Variants in CFAP299 observed in about 807,000 individuals in gnomAD.
CFAP299 encodes cilia and flagella associated protein 299.
In CFAP299, 21 loss-of-function variants were observed where a neutral mutation model predicts 27.0. That is an observed-to-expected ratio of 0.78 (90% CI 0.55 to 1.12). The LOEUF (loss-of-function observed/expected upper bound fraction) is 1.12. Among genes scored for constraint, CFAP299 ranks in the 50% most tolerant of loss-of-function variants. The probability of loss-of-function intolerance (pLI) is 0.00; values close to 1 mark genes in which losing one functional copy is unlikely to be tolerated. For missense variants in CFAP299, 310 were observed against 276.6 expected, an observed-to-expected ratio of 1.12 and a Z score of -0.86; for synonymous variants, 104 against 98.1, an observed-to-expected ratio of 1.06 and a Z score of -0.36.
intron 3 of CFAP299, among the ~76,000 whole-genome samples, chr4:80,693,213 C>G (rs1354625067): frequency 6.6e-6 from 1 of 152,060 alleles, no homozygotes; most frequent in Non-Finnish European, 1.5e-5. Flanking sequence ...ACCCAAAGGA[C>G]TATAAATCAT....
intron 3 of CFAP299, among the ~76,000 whole-genome samples, chr4:80,715,463 C>A (rs1722424012): frequency 6.6e-6 from 1 of 151,928 alleles, no homozygotes; most frequent in African/African-American, 2.4e-5. Context: ...TTTGTGATGG[C>A]AGACATTTTT....
chr4:80,795,008 G>A (rs1373625387), intron 3 of CFAP299, among the ~76,000 whole-genome samples: 2 of 152,062 alleles, frequency 1.3e-5, no homozygotes, highest in Admixed American at 1.3e-4. Context: ...CTGCCACCAT[G>A]GCCACTTTGT....
intron 4 of CFAP299, among the ~76,000 whole-genome samples, chr4:80,894,296 C>G (rs968700889): frequency 6.6e-6 from 1 of 151,906 alleles, no homozygotes; most frequent in Non-Finnish European, 1.5e-5. Context: ...TTTGTTCCCC[C>G]CAGAGATGTT....
At chr4:80,384,575 T>A (rs760465635) in intron 2 of CFAP299, among the ~76,000 whole-genome samples, 4 of 152,178 alleles carry the variant, frequency 2.6e-5, no homozygotes, top group Non-Finnish European at 5.9e-5. Context: ...TGCTGTAGTA[T>A]CTATTTCAGG....
intron 4 of CFAP299, among the ~76,000 whole-genome samples, chr4:80,902,040 C>T (rs1180792486): frequency 6.6e-6 from 1 of 151,980 alleles, no homozygotes; most frequent in African/African-American, 2.4e-5. Flanking sequence ...GTTCAGCCTT[C>T]AAGAGTGGCA....
chr4:80,388,447 G>T, intron 2 of CFAP299: 2 of 915,566 alleles, frequency 2.2e-6, no homozygotes, highest in Non-Finnish European at 1.8e-6. Context: ...AGATGCTGTT[G>T]GTGACCAGCG....
Position 80,457,403 on chromosome 4 carries a change from T to C in CFAP299, c.242+94519T>C, listed in dbSNP as rs539533251. 5.0e-4 allele frequency among the ~76,000 whole-genome samples: 76 copies of C among 152,296 alleles called. 1 individual carries two copies. The highest frequency in any genetic ancestry group is 1.8e-3 in the African/African-American group (73 of 41,572). Reference sequence around the variant, plus strand: ...TGTTATGTTATGGAGGGTGAGGCCATGTGCCACAGATTCTGTGCTTTGGAT... The same window carrying C: ...TGTTATGTTATGGAGGGTGAGGCCACGTGCCACAGATTCTGTGCTTTGGAT... On this transcript the variant is annotated intron_variant, in intron 2 of 5. Coordinates refer to ENST00000358105, the MANE Select transcript of CFAP299 (RefSeq NM_152770.3).
chr4:80,355,199 T>A (rs1299045367), intron 1 of CFAP299, among the ~76,000 whole-genome samples: 2 of 152,130 alleles, frequency 1.3e-5, no homozygotes, highest in Non-Finnish European at 2.9e-5. Flanking sequence ...ATTTTTTGAC[T>A]TTTTAGTAGT....
intron 2 of CFAP299, among the ~76,000 whole-genome samples, chr4:80,429,690 A>G (rs1306409716): frequency 6.6e-6 from 1 of 152,172 alleles, no homozygotes; most frequent in Non-Finnish European, 1.5e-5. Context: ...AGTCAATCAT[A>G]ATAACTATGT....
In CFAP299 at chr4:80,718,077, G is replaced by C. The variant is rs143747224; in HGVS notation, c.333+134894G>C. On this transcript the variant is annotated intron_variant, in intron 3 of 5. Transcript: ENST00000358105. ...TTATAGCTCAGAGAAAGGTAGCAAA[G>C]AACAGGGAAAGATGAAGATGGTACA... 6.6e-5 allele frequency among the ~76,000 whole-genome samples: 10 copies of C among 152,204 alleles called. No homozygotes were observed. In the East Asian group the frequency reaches 1.9e-3, roughly 29 times the overall value.
At chr4:80,618,041 G>A (rs1738385801) in intron 3 of CFAP299, among the ~76,000 whole-genome samples, 1 of 152,102 alleles carries the variant, frequency 6.6e-6, no homozygotes, top group South Asian at 2.1e-4. Context: ...AGAAAAATTT[G>A]TGATGTATGG....
At chr4:80,754,918 T>C (rs1438549245) in intron 3 of CFAP299, among the ~76,000 whole-genome samples, 1 of 152,136 alleles carries the variant, frequency 6.6e-6, no homozygotes, top group Non-Finnish European at 1.5e-5. Flanking sequence ...TGCATATTGT[T>C]CAAGGTTTTG....
intron 3 of CFAP299, among the ~76,000 whole-genome samples, chr4:80,841,494 T>G (rs1730860453): frequency 6.6e-6 from 1 of 152,104 alleles, no homozygotes; most frequent in Admixed American, 6.6e-5. Flanking sequence ...GTTAAGCAAT[T>G]TCTATCACAA....
At chr4:80,649,758 ATGTT>A (rs1740195708) in intron 3 of CFAP299, among the ~76,000 whole-genome samples, 1 of 152,094 alleles carries the variant, frequency 6.6e-6, no homozygotes, top group South Asian at 2.1e-4. Flanking sequence ...ATAAAAGAAA[ATGTT>A]TGCTCAAATT....
intron 3 of CFAP299, among the ~76,000 whole-genome samples, chr4:80,667,505 C>G (rs892221895): frequency 6.6e-6 from 1 of 152,138 alleles, no homozygotes; most frequent in African/African-American, 2.4e-5. Context: ...GCCCCTCAAC[C>G]TTTCCTGTCC....
chr4:80,659,764 C>T (rs775326057), intron 3 of CFAP299, among the ~76,000 whole-genome samples: 6 of 151,870 alleles, frequency 4.0e-5, no homozygotes, highest in Non-Finnish European at 5.9e-5. Flanking sequence ...TTTTTATTTT[C>T]TATAAATTAA....
chr4:80,887,053 AT>A (rs1194400320), intron 4 of CFAP299, among the ~76,000 whole-genome samples: 1 of 152,162 alleles, frequency 6.6e-6, no homozygotes, highest in Admixed American at 6.6e-5. Context: ...AAGAAAAAAA[AT>A]AAACAATGAA....
chr4:80,922,659 C>A (rs1455755696), intron 4 of CFAP299, among the ~76,000 whole-genome samples: 2 of 151,514 alleles, frequency 1.3e-5, no homozygotes, highest in Non-Finnish European at 2.9e-5. Context: ...TTTCTATTTC[C>A]CCTAATTAAA....
At chr4:80,372,410 A>G (rs975321721) in intron 2 of CFAP299, among the ~76,000 whole-genome samples, 1 of 152,238 alleles carries the variant, frequency 6.6e-6, no homozygotes, top group Admixed American at 6.5e-5. Context: ...TTTGTATTGG[A>G]TTTGATGCTT....
Sources: gnomAD v4.1 joint callset for allele counts (sites outside exome capture counted in the v4.1 genomes callset) on GRCh38, gnomAD v4.1.1 for gene constraint, MANE v1.5 for transcripts, NCBI Gene and HGNC (gene_info 2026-07-23, HGNC 2026-07-21) for gene names.